Variants in ZPLD1 observed in about 807,000 individuals in gnomAD.
ZPLD1 encodes the protein zona pellucida like domain containing 1, also known as zona pellucida-like domain-containing protein 1.
A neutral mutation model predicts 47.2 loss-of-function variants in ZPLD1; 34 were observed. The observed-to-expected ratio is 0.72, with a 90% confidence interval of 0.55 to 0.96. The LOEUF (loss-of-function observed/expected upper bound fraction) is 0.96. Ranked by LOEUF, ZPLD1 falls within the 40% of genes least tolerant of loss-of-function variation. ZPLD1 has a pLI of 0.00. For synonymous variants in ZPLD1, 176 were observed against 186.2 expected (o/e 0.95, Z 0.45); for missense variants, 512 against 505.8 (o/e 1.01, Z -0.12).
intron 6 of ZPLD1, among the ~76,000 whole-genome samples, chr3:102,460,734 G>A (rs1231222788): frequency 6.6e-6 from 1 of 151,774 alleles, no homozygotes; most frequent in African/African-American, 2.4e-5. Flanking sequence ...ATTCCAGTAG[G>A]AAAAAATTGA....
At chr3:102,413,471 A>AT (rs1411417973) in intron 7 of ZPLD1, among the ~76,000 whole-genome samples, 1 of 151,798 alleles carries the variant, frequency 6.6e-6, no homozygotes, top group Non-Finnish European at 1.5e-5. Context: ...CTGTATTTTA[A>AT]TTTTTTAGAA....
At chr3:102,460,969 AT>A (rs1230477431) in intron 6 of ZPLD1, among the ~76,000 whole-genome samples, 6 of 152,022 alleles carry the variant, frequency 3.9e-5, no homozygotes, top group Admixed American at 1.3e-4. Flanking sequence ...AGAGGAGCTA[AT>A]CATTTATCAC....
chr3:102,428,641 T>TA (rs1033356333), intron 8 of ZPLD1, among the ~76,000 whole-genome samples: 1 of 151,618 alleles, frequency 6.6e-6, no homozygotes, highest in South Asian at 2.1e-4. Context: ...TATCTGCTAT[T>TA]AAAAAATCTC....
intron 6 of ZPLD1, among the ~76,000 whole-genome samples, chr3:102,388,028 T>C (rs148813548): frequency 0.041 from 6,254 of 151,814 alleles, 239 homozygotes; most frequent in African/African-American, 0.1. Flanking sequence ...GCCCAGCTAA[T>C]TTTTTGTATT....
intron 8 of ZPLD1, among the ~76,000 whole-genome samples, chr3:102,427,555 A>T (rs905383616): frequency 6.6e-6 from 1 of 152,164 alleles, no homozygotes; most frequent in Non-Finnish European, 1.5e-5. Flanking sequence ...GGTCCCAGGG[A>T]GTGTATTACT....
At chr3:102,394,584 G>A (rs962140376) in intron 7 of ZPLD1, among the ~76,000 whole-genome samples, 9 of 152,116 alleles carry the variant, frequency 5.9e-5, no homozygotes, top group South Asian at 2.1e-4. Flanking sequence ...ACAGTGTTAA[G>A]AATTACCCTC....
intron 6 of ZPLD1, among the ~76,000 whole-genome samples, chr3:102,386,519 T>A (rs1333798879): frequency 1.3e-5 from 2 of 152,184 alleles, no homozygotes; most frequent in Non-Finnish European, 2.9e-5. Flanking sequence ...GAAAATGTAT[T>A]CTTAACCAGT....
At chr3:102,421,775 A>G (rs748240740) in intron 8 of ZPLD1, among the ~76,000 whole-genome samples, 14 of 151,980 alleles carry the variant, frequency 9.2e-5, no homozygotes, top group South Asian at 2.1e-4. Context: ...AATTAAAGCT[A>G]GTTACAGAAC....
rs1707779989 is a variant in ZPLD1 at position 102,477,680 on chromosome 3, CA to C, written c.*63del. Reference sequence around the variant, plus strand: ...TGACTAAACTATGTGTGACTGCAGTCAGTGTTCCGTCTGAATTTCATGTCAG... The same window carrying C: ...TGACTAAACTATGTGTGACTGCAGTCGTGTTCCGTCTGAATTTCATGTCAG... On this transcript the variant is annotated 3_prime_UTR_variant, in exon 12 of 12. Transcript: ENST00000466937. 13 of 1,427,900 alleles carry C rather than the reference CA, an allele frequency of 9.1e-6. No homozygotes were observed. The Admixed American group carries it at 3.1e-4, about 34-fold the overall frequency. 88.5% of individuals were successfully genotyped at this position (1,427,900 alleles called of 1,614,324 possible).
chr3:102,387,674 A>AT (rs932736205), intron 6 of ZPLD1, among the ~76,000 whole-genome samples: 13 of 151,804 alleles, frequency 8.6e-5, no homozygotes, highest in South Asian at 2.1e-4. Context: ...TCTGTTGGTC[A>AT]TTTTTTCTGA....
chr3:102,450,472 A>G (rs1301986195), intron 3 of ZPLD1, among the ~76,000 whole-genome samples: 3 of 152,124 alleles, frequency 2.0e-5, no homozygotes, highest in Non-Finnish European at 2.9e-5. Context: ...AGACATGAAA[A>G]ATGTTCAGAT....
chr3:102,461,239 G>A (rs1707502538), intron 6 of ZPLD1, among the ~76,000 whole-genome samples: 1 of 151,928 alleles, frequency 6.6e-6, no homozygotes, highest in African/African-American at 2.4e-5. Context: ...CTGCCAAACA[G>A]CAATGTCTTC....
intron 8 of ZPLD1, among the ~76,000 whole-genome samples, chr3:102,426,625 A>G (rs1383090139): frequency 6.6e-6 from 1 of 152,168 alleles, no homozygotes; most frequent in African/African-American, 2.4e-5. Context: ...TCTATGAGTA[A>G]TTTTATGAAA....
At chr3:102,449,550 T>C (rs1461541345) in intron 3 of ZPLD1, among the ~76,000 whole-genome samples, 1 of 152,212 alleles carries the variant, frequency 6.6e-6, no homozygotes, top group Non-Finnish European at 1.5e-5. Flanking sequence ...CTGCCCAGGA[T>C]GTGAGTCATC....
At chr3:102,462,870 A>T (rs1197288616) in intron 7 of ZPLD1, among the ~76,000 whole-genome samples, 1 of 152,178 alleles carries the variant, frequency 6.6e-6, no homozygotes, top group Non-Finnish European at 1.5e-5. Context: ...AATTCAGAGC[A>T]ATCAAACTAA....
intron 10 of ZPLD1, among the ~76,000 whole-genome samples, chr3:102,476,012 A>G (rs1390294005): frequency 1.3e-5 from 2 of 152,150 alleles, no homozygotes; most frequent in East Asian, 1.9e-4. Flanking sequence ...TTTTAAGCAC[A>G]TGTTTACTCT....
intron 11 of ZPLD1, 54 bp downstream of exon 11, chr3:102,477,095 C>T: frequency 6.3e-7 from 1 of 1,587,386 alleles, no homozygotes; most frequent in Non-Finnish European, 8.6e-7. Flanking sequence ...TGATCAGTTA[C>T]AAAGCTGTAA....
At chr3:102,472,393 G>A (rs560352646) in intron 10 of ZPLD1, among the ~76,000 whole-genome samples, 2 of 152,256 alleles carry the variant, frequency 1.3e-5, no homozygotes, top group South Asian at 4.2e-4. Flanking sequence ...TTAGCCAGGT[G>A]TGGTGGCATA....
At chr3:102,464,614 T>A (rs1707564808) in intron 8 of ZPLD1, among the ~76,000 whole-genome samples, 2 of 152,322 alleles carry the variant, frequency 1.3e-5, no homozygotes, top group South Asian at 4.1e-4. Context: ...AACTAGACTG[T>A]CTCATATGTC....
Sources: gnomAD v4.1 joint callset for allele counts (sites outside exome capture counted in the v4.1 genomes callset) on GRCh38, gnomAD v4.1.1 for gene constraint, MANE v1.5 for transcripts, NCBI Gene and HGNC (gene_info 2026-07-23, HGNC 2026-07-21) for gene names.